The following NOX5 variants were observed in gnomAD, a reference collection of about 807,000 sequenced individuals.
NOX5 encodes the protein NADPH oxidase, EF-hand calcium binding domain 5.
Under a neutral mutation model 85.7 loss-of-function variants are expected in NOX5, and 76 were observed. The observed-to-expected ratio is 0.89, with a 90% CI of 0.74 to 1.07. The LOEUF (loss-of-function observed/expected upper bound fraction) is 1.07. Ranked by LOEUF, NOX5 falls within the 50% of genes least tolerant of loss-of-function variation. The pLI, the probability that NOX5 is intolerant of heterozygous loss-of-function variation, is 0.00. For missense variants in NOX5, 973 were observed against 999.5 expected, an observed-to-expected ratio of 0.97 and a Z score of 0.36; for synonymous variants, 405 against 401.4, an observed-to-expected ratio of 1.01 and a Z score of -0.11.
chr15:69,048,900 G>A (rs903400344), intron 13 of NOX5, 59 bp from the exon 14 acceptor site: 4 of 1,289,936 alleles, frequency 3.1e-6, no homozygotes, highest in Non-Finnish European at 4.4e-6. Context: ...GATTACAGAT[G>A]TGAGCCTCCT....
intron 9 of NOX5, 106 bp downstream of exon 9, chr15:69,039,095 C>T: frequency 1.5e-6 from 2 of 1,301,002 alleles, no homozygotes; most frequent in Admixed American, 1.9e-5. Flanking sequence ...AGGCCAGAAA[C>T]ACAAAGTCAG....
chr15:69,056,901 T>C lies in NOX5; in HGVS notation c.*205T>C. ...AGAACCCAGGGGAAGGGACAGTGCC[T>C]TGTTCAGTCTGCTGTAGATTCTGGG... is the stretch of plus-strand genomic sequence containing the variant. On this transcript the variant is annotated 3_prime_UTR_variant, in exon 16 of 16. Coordinates refer to ENST00000388866, the MANE Select transcript of NOX5 (RefSeq NM_024505.4). 3 of 509,668 alleles carry C rather than the reference T, an allele frequency of 5.9e-6. No homozygotes were observed. Among genetic ancestry groups the C allele is most frequent in the Non-Finnish European group, 1.0e-5 (3 of 298,506 alleles). 31.6% of individuals were successfully genotyped at this position (509,668 alleles called of 1,614,324 possible).
In NOX5 at chr15:69,028,281, G is replaced by C; in HGVS notation, c.241G>C (p.Glu81Gln). 2 of 1,613,424 alleles carry C rather than the reference G, an allele frequency of 1.2e-6. No individual in the cohort carries two copies. Among genetic ancestry groups the C allele is most frequent in the South Asian group, 2.2e-5 (2 of 90,986 alleles). The change falls in exon 3 of 16, where the codon GAG becomes CAG. Residue 81 changes from glutamate (E) to glutamine (Q), a missense_variant. Transcript: ENST00000388866. ...SDRSGTITLQ[E>Q]LQEALTLLIH... is the part of the protein sequence containing the mutation. Reference sequence around the variant, plus strand: ...TAGAAGTGGCACCATCACCCTCCAGGAGCTGCAGGAGGCACTGACCCTGCT... The same window carrying C: ...TAGAAGTGGCACCATCACCCTCCAGCAGCTGCAGGAGGCACTGACCCTGCT...
At position 69,039,077 on chromosome 15, in the gene NOX5, A is replaced by G. The variant is rs908677462; in HGVS notation, c.1504+88A>G. 4 of 1,441,704 alleles carry G rather than the reference A, an allele frequency of 2.8e-6. No homozygotes were observed. The Admixed American group carries it at 6.9e-5, about 25-fold the overall frequency. The allele number at this position is 1,441,704 out of a possible 1,614,324, so 89.3% of individuals were successfully genotyped here. On this transcript the variant is annotated intron_variant, in intron 9 of 15. Coordinates refer to ENST00000388866, the MANE Select transcript of NOX5 (RefSeq NM_024505.4). ...ACAGGCTGGAAACTCGGAACACAGC[A>G]CTGAACAAGGCCAGAAACACAAAGT...
intron 10 of NOX5, 24 bp from the exon 11 acceptor site, chr15:69,046,798 A>G: frequency 6.2e-7 from 1 of 1,610,972 alleles, no homozygotes; most frequent in Non-Finnish European, 8.5e-7. Flanking sequence ...CAAGACCCAT[A>G]ACTCTCTGCT....
intron 14 of NOX5, among the ~76,000 whole-genome samples, chr15:69,054,253 G>A (rs1238569213): frequency 2.6e-5 from 4 of 152,280 alleles, no homozygotes; most frequent in Non-Finnish European, 5.9e-5. Flanking sequence ...TATGGAACAC[G>A]GAGGTGCCCA....
At position 69,038,874 on chromosome 15, in the gene NOX5, C is replaced by T. The variant is rs765415585; in HGVS notation, c.1389C>T (p.Ile463=). The T allele has an allele frequency of 6.2e-7, 1 of 1,614,214 alleles. No individual in the cohort carries two copies. The highest frequency in any genetic ancestry group is 1.1e-5 in the South Asian group (1 of 91,084). The change falls in exon 9 of 16, where the codon ATC becomes ATT. Residue 463 remains isoleucine, a synonymous_variant. Coordinates refer to ENST00000388866, the MANE Select transcript of NOX5 (RefSeq NM_024505.4). ...LLPSKVTHLL[I]KRPPFFHYRP... ...TTTCCCAGGTCACTCATCTCCTCATCAAGCGGCCCCCTTTTTTTCACTATA... is the reference window on the plus strand; with the variant it reads ...TTTCCCAGGTCACTCATCTCCTCATTAAGCGGCCCCCTTTTTTTCACTATA...
intron 1 of NOX5, among the ~76,000 whole-genome samples, chr15:69,017,145 T>TTATG: frequency 6.6e-6 from 1 of 151,994 alleles, no homozygotes; most frequent in East Asian, 1.9e-4. Context: ...AAGTATTTAT[T>TTATG]TATTTATTTA....
At chr15:69,035,573 G>C in intron 6 of NOX5, 66 bp downstream of exon 6, 1 of 1,589,328 alleles carries the variant, frequency 6.3e-7, no homozygotes, top group East Asian at 2.2e-5. Flanking sequence ...AGAATGCAGG[G>C]CCCAGCCCCT....
intron 14 of NOX5, 89 bp from the exon 15 acceptor site, chr15:69,055,245 G>A: frequency 7.1e-7 from 1 of 1,406,720 alleles, no homozygotes; most frequent in Non-Finnish European, 9.7e-7. Context: ...CTCCTTCCAA[G>A]CCCCAGGGTA....
chr15:69,038,984 A>G lies in NOX5; in HGVS notation c.1499A>G (p.Gln500Arg). Residue 500 changes from glutamine to arginine, a missense_variant, in exon 9 of 16, where the codon CAG (glutamine) becomes CGG (arginine). Physicochemically the swap from Gln to Arg is conservative, Grantham distance 43. Coordinates refer to ENST00000388866, the MANE Select transcript of NOX5 (RefSeq NM_024505.4). ...HPFTISSAPE[Q>R]KDTIWLHIRS... ...TTCACCATCAGCAGTGCTCCTGAGC[A>G]GAAAGGTAATGGCCACCTCCTCCAG... 6.2e-7 allele frequency: 1 copy of G among 1,614,142 alleles called. No individual in the cohort carries two copies. The highest frequency in any genetic ancestry group is 8.5e-7 in the Non-Finnish European group (1 of 1,180,028).
chr15:69,020,977 G>A (rs945605517), intron 1 of NOX5, among the ~76,000 whole-genome samples: 21 of 151,578 alleles, frequency 1.4e-4, no homozygotes, highest in Admixed American at 5.3e-4. Context: ...GTTGATAGGC[G>A]TCTTAATAAT....
intron 3 of NOX5, 90 bp from the exon 4 acceptor site, chr15:69,031,428 C>T (rs2050427296): frequency 2.1e-6 from 3 of 1,404,316 alleles, no homozygotes; most frequent in African/African-American, 2.8e-5. Flanking sequence ...GACATTTGGT[C>T]CTTCAGTTGC....
rs1488884773 is a variant in NOX5, at chr15:69,047,898, T to C, written c.1886T>C (p.Met629Thr). 6.2e-7 allele frequency: 1 copy of C among 1,614,164 alleles called. No homozygotes were observed. The highest frequency in any genetic ancestry group is 1.7e-5 in the Admixed American group (1 of 60,028). The change falls in exon 13 of 16, where the codon ATG (methionine) becomes ACG (threonine). Residue 629 changes from methionine to threonine, a missense_variant. Met to Thr is a moderately conservative substitution (Grantham distance 81, BLOSUM62 -1). Coordinates refer to ENST00000388866, the MANE Select transcript of NOX5 (RefSeq NM_024505.4). ...HSWIEGVQDN[M>T]KLHKVDFIWI... ...TGGATCGAAGGTGTCCAAGACAACA[T>C]GAAGCTCCATAAGGTGAGTACCACC... is the stretch of plus-strand genomic sequence containing the variant.
chr15:69,038,795 C>G (rs765564624), intron 8 of NOX5, 62 bp from the exon 9 acceptor site: 1 of 1,613,298 alleles, frequency 6.2e-7, no homozygotes, highest in African/African-American at 1.3e-5. Context: ...GCCCTCTTGT[C>G]CTGTAGCCCC....
Position 69,031,673 on chromosome 15 carries a change from C to T in NOX5, c.481C>T (p.Leu161=). ...QSCLRESAIS[L]PDEKLDQLTL... is the part of the protein sequence containing the mutation. Reference sequence around the variant, plus strand: ...GTGTCTGCGCGAGAGCGCCATCTCGCTGCCTGACGAGAAGCTGGACCAGCT... The same window carrying T: ...GTGTCTGCGCGAGAGCGCCATCTCGTTGCCTGACGAGAAGCTGGACCAGCT... The change falls in exon 4 of 16, where the codon CTG becomes TTG. Residue 161 remains leucine (L), a synonymous_variant. Transcript: ENST00000388866. 6.2e-7 allele frequency: 1 copy of T among 1,613,336 alleles called. No homozygotes were observed.
intron 10 of NOX5, chr15:69,046,010 T>G (rs2050669310): frequency 6.6e-6 from 1 of 152,438 alleles, no homozygotes; most frequent in South Asian, 2.1e-4. Flanking sequence ...GGCACGTCCT[T>G]CCCATGCTTT....
At position 69,026,603 on chromosome 15, in the gene NOX5, T is replaced by G. The variant is rs768541884; in HGVS notation, c.126T>G (p.Asp42Glu). The G allele has an allele frequency of 6.2e-7, 1 of 1,614,068 alleles. No individual in the cohort carries two copies. Among genetic ancestry groups the G allele is most frequent in the South Asian group, 1.1e-5 (1 of 91,076 alleles). Residue 42 changes from aspartate to glutamate, a missense_variant, in exon 2 of 16, where the codon GAT becomes GAG. By Grantham distance (45) the Asp-to-Glu change is conservative. Coordinates refer to ENST00000388866, the MANE Select transcript of NOX5 (RefSeq NM_024505.4). The stretch of plus-strand genomic sequence containing the variant: ...AGTTTAAGACCATTGCAGGAGAAGA[T>G]GGGGAGATCAGCCTGCAAGAATTCA... ...TQQFKTIAGE[D>E]GEISLQEFKA...
At chr15:69,035,304 C>G in intron 5 of NOX5, 50 bp from the exon 6 acceptor site, 1 of 1,590,710 alleles carries the variant, frequency 6.3e-7, no homozygotes, top group African/African-American at 1.3e-5. Flanking sequence ...GAAAAGAGGA[C>G]AAGGCAGACA....
Sources: allele counts gnomAD v4.1 joint callset (sites outside exome capture counted in the v4.1 genomes callset), GRCh38; gene constraint gnomAD v4.1.1; transcripts MANE v1.5; gene names NCBI Gene and HGNC (gene_info 2026-07-23, HGNC 2026-07-21).